NME7: variants seen among roughly 807,000 people sequenced by gnomAD.
NME7 encodes the protein nucleoside diphosphate kinase 7.
A neutral mutation model predicts 49.1 loss-of-function variants in NME7; 41 were observed. The observed-to-expected ratio is 0.83, with a 90% CI of 0.65 to 1.08. The LOEUF is 1.08. NME7 is among the 50% of genes least tolerant of loss of function. The pLI is 0.00. For missense variants in NME7, 423 were observed against 463.4 expected (o/e 0.91, Z 0.80); for synonymous variants, 139 against 150.6 (o/e 0.92, Z 0.56).
intron 11 of NME7, among the ~76,000 whole-genome samples, chr1:169,150,051 T>C (rs1420743460): frequency 1.3e-5 from 2 of 152,334 alleles, no homozygotes; most frequent in African/African-American, 2.4e-5. Flanking sequence ...TGCATGCCTG[T>C]AGTCCCAGCT....
chr1:169,178,969 T>G (rs1655776435), intron 10 of NME7, among the ~76,000 whole-genome samples: 1 of 151,936 alleles, frequency 6.6e-6, no homozygotes, highest in Non-Finnish European at 1.5e-5. Context: ...TACAGGCATG[T>G]GCCACCACAC....
At chr1:169,256,411 C>T (rs12739909) in intron 7 of NME7, among the ~76,000 whole-genome samples, 10,782 of 132,606 alleles carry the variant, frequency 0.081, 2,603 homozygotes, top group East Asian at 0.73. Flanking sequence ...GTTTTCAGCT[C>T]CATCAGCTCC....
At chr1:169,327,446 C>T (rs1239094825) in intron 1 of NME7, among the ~76,000 whole-genome samples, 1 of 152,078 alleles carries the variant, frequency 6.6e-6, no homozygotes, top group East Asian at 1.9e-4. Flanking sequence ...ATCTTAAAGT[C>T]TTAAAGGAAA....
At chr1:169,314,728 T>G (rs1339482510) in intron 3 of NME7, among the ~76,000 whole-genome samples, 2 of 151,740 alleles carry the variant, frequency 1.3e-5, no homozygotes, top group African/African-American at 4.8e-5. Context: ...AATAAACCTG[T>G]ACATTCTGCA....
At chr1:169,183,674 C>A (rs1366972654) in intron 10 of NME7, among the ~76,000 whole-genome samples, 1 of 128,150 alleles carries the variant, frequency 7.8e-6, no homozygotes, top group Non-Finnish European at 1.8e-5. Context: ...TGGTGGCAGG[C>A]GCCTGTAGTC....
At chr1:169,297,013 A>G (rs894383905) in intron 6 of NME7, among the ~76,000 whole-genome samples, 6 of 149,938 alleles carry the variant, frequency 4.0e-5, no homozygotes, top group African/African-American at 1.5e-4. Context: ...TCACTCTGTC[A>G]CCCAGGCTAG....
At chr1:169,303,285 C>T (rs942566575) in intron 4 of NME7, 90 bp from the exon 5 acceptor site, 1 of 552,056 alleles carries the variant, frequency 1.8e-6, no homozygotes, top group South Asian at 3.8e-5. Context: ...AGATAAAATC[C>T]TCTCAATTTA....
chr1:169,366,661 G>A (rs1232721264), intron 1 of NME7, among the ~76,000 whole-genome samples: 2 of 152,170 alleles, frequency 1.3e-5, no homozygotes, highest in Non-Finnish European at 2.9e-5. Context: ...AAGACTAAAG[G>A]CTCGGCAAAA....
At chr1:169,225,301 G>A (rs1443861236) in intron 10 of NME7, among the ~76,000 whole-genome samples, 1 of 152,126 alleles carries the variant, frequency 6.6e-6, no homozygotes, top group Non-Finnish European at 1.5e-5. Context: ...CAGAGATGGG[G>A]TTTCGCCATG....
Position 169,331,440 on chromosome 1 carries a change from G to A in NME7, c.4-6940C>T, listed in dbSNP as rs529858110. ...GACGAGGGTGCCCATTATCACTACT[G>A]TTGTTCAACATAATAATGGAAGTCC... On this transcript the variant is annotated intron_variant, in intron 1 of 11. Transcript: ENST00000367811. 7.9e-5 allele frequency among the ~76,000 whole-genome samples: 12 copies of A among 152,168 alleles called. No homozygotes were observed. The South Asian group carries it at 2.3e-3, about 29-fold the overall frequency.
At chr1:169,237,487 T>C in intron 8 of NME7, 136 bp downstream of exon 8, 1 of 539,646 alleles carries the variant, frequency 1.9e-6, no homozygotes, top group East Asian at 3.1e-5. Flanking sequence ...TACAGGAAGG[T>C]TACTGAGTTC....
chr1:169,200,668 C>T (rs911111438), intron 10 of NME7, among the ~76,000 whole-genome samples: 1 of 152,162 alleles, frequency 6.6e-6, no homozygotes, highest in African/African-American at 2.4e-5. Context: ...GCCCTGTACA[C>T]CCTACAGTCC....
intron 11 of NME7, 115 bp from the exon 12 acceptor site, chr1:169,132,932 C>A: frequency 1.5e-6 from 1 of 659,564 alleles, no homozygotes. Context: ...TTCCCAAAGA[C>A]ACTAAAAGTT....
intron 11 of NME7, among the ~76,000 whole-genome samples, chr1:169,162,662 G>A (rs550528886): frequency 6.6e-6 from 1 of 152,016 alleles, no homozygotes; most frequent in East Asian, 1.9e-4. Context: ...TGGGCAACAC[G>A]ATGAGACCCC....
At chr1:169,284,031 C>T (rs1156437292) in intron 7 of NME7, 1 of 152,140 alleles carries the variant, frequency 6.6e-6, no homozygotes, top group African/African-American at 2.4e-5. Flanking sequence ...GGATAATATC[C>T]TGAAGAGTGT....
At chr1:169,159,329 G>C (rs1407553068) in intron 11 of NME7, among the ~76,000 whole-genome samples, 1 of 152,134 alleles carries the variant, frequency 6.6e-6, no homozygotes. Context: ...GTGACTGATG[G>C]TATTACGGAG....
chr1:169,296,285 C>T (rs1400939998), intron 6 of NME7, among the ~76,000 whole-genome samples: 3 of 152,174 alleles, frequency 2.0e-5, no homozygotes, highest in Non-Finnish European at 2.9e-5. Context: ...CCAATGATAT[C>T]CACATTGCAA....
chr1:169,286,334 T>C (rs2101894642), intron 7 of NME7: 1 of 152,246 alleles, frequency 6.6e-6, no homozygotes, highest in South Asian at 2.1e-4. Context: ...ATGGATTACT[T>C]GGATACTTAG....
At chr1:169,192,290 T>C (rs930472067) in intron 10 of NME7, among the ~76,000 whole-genome samples, 2 of 152,142 alleles carry the variant, frequency 1.3e-5, no homozygotes, top group Non-Finnish European at 2.9e-5. Flanking sequence ...GCCCTCTGTA[T>C]CCGCAGATTC....
Sources: allele counts gnomAD v4.1 joint callset (sites outside exome capture counted in the v4.1 genomes callset), GRCh38; gene constraint gnomAD v4.1.1; transcripts MANE v1.5; gene names NCBI Gene and HGNC (gene_info 2026-07-23, HGNC 2026-07-21).